Variants in ABR observed in about 807,000 individuals in gnomAD.
ABR encodes active breakpoint cluster region-related protein.
In ABR, 35 loss-of-function variants were observed where a neutral mutation model predicts 107.2. That is an observed-to-expected ratio of 0.33 (90% CI 0.25 to 0.43). The LOEUF is 0.43. Among genes scored for constraint, ABR ranks in the 20% least tolerant of loss-of-function variants. ABR has a pLI of 1.00. For synonymous variants in ABR, 498 were observed against 462.0 expected (o/e 1.08, Z -1.00); for missense variants, 815 against 1,115.2 (o/e 0.73, Z 3.83).
intron 16 of ABR, chr17:1,031,627 GGCCCCAGAGCCGGGC>G: frequency 8.0e-7 from 1 of 1,244,064 alleles, no homozygotes; most frequent in East Asian, 3.2e-5. Context: ...TTGCGCACGC[GGCCCCAGAGCCGGGC>G]GCCGGTGTTG....
Position 1,179,619 on chromosome 17 carries a change from G to GGGTCCC in ABR, c.61+42_61+47dup, listed in dbSNP as rs1327108455. ...TCCTGGGGTCCCGATCTCCATCCTG[G>GGGTCCC]GGTCCCGATCCCGATCCTGGGGTCC... On this transcript the variant is annotated intron_variant, in intron 1 of 22. Coordinates refer to ENST00000302538, the MANE Select transcript of ABR (RefSeq NM_021962.5). This position sits in a 1 kb window ranked among gnomAD's most constrained non-coding sequence, Gnocchi z 4.9. The GGGTCCC allele has an allele frequency of 4.8e-6, 7 of 1,462,660 alleles. No individual in the cohort carries two copies. The highest frequency in any genetic ancestry group is 6.4e-6 in the Non-Finnish European group (7 of 1,102,290). 90.6% of individuals were successfully genotyped at this position (1,462,660 alleles called of 1,614,324 possible).
At chr17:1,073,554 C>G in intron 7 of ABR, 71 bp downstream of exon 7, 1 of 1,288,492 alleles carries the variant, frequency 7.8e-7, no homozygotes, top group Non-Finnish European at 1.0e-6. Context: ...ACTCCAGCAC[C>G]CTCTCACCCA....
At chr17:1,162,112 A>G (rs1232967762) in intron 1 of ABR, among the ~76,000 whole-genome samples, 1 of 152,214 alleles carries the variant, frequency 6.6e-6, no homozygotes, top group East Asian at 1.9e-4. Flanking sequence ...TCCAGAGGTT[A>G]GAGACTCCCA....
intron 1 of ABR, among the ~76,000 whole-genome samples, chr17:1,204,759 G>C (rs2042754520): frequency 6.6e-6 from 1 of 152,034 alleles, no homozygotes; most frequent in Admixed American, 6.6e-5. Flanking sequence ...TGGGCTGTAT[G>C]TTAGTATTTA....
intron 4 of ABR, among the ~76,000 whole-genome samples, chr17:1,087,524 AGGGCCGGACTTTTAAAAGAGGGCG>A (rs955149779): frequency 2.6e-5 from 3 of 116,724 alleles, no homozygotes; most frequent in Non-Finnish European, 5.3e-5. Flanking sequence ...AAAAGGGGGC[AGGGCCGGACTTTTAAAAGAGGGCG>A]GGGCCTGAGT....
chr17:1,080,944 C>G (rs896598275), intron 5 of ABR, among the ~76,000 whole-genome samples: 1 of 152,128 alleles, frequency 6.6e-6, no homozygotes, highest in African/African-American at 2.4e-5. Flanking sequence ...GAAGCAAGCA[C>G]GTCATCGAGT....
Position 1,005,625 on chromosome 17 carries a change from G to A in ABR, c.*455C>T. The A allele has an allele frequency of 5.0e-6, 1 of 201,774 alleles. No individual in the cohort carries two copies. Among genetic ancestry groups the A allele is most frequent in the Non-Finnish European group, 1.0e-5 (1 of 100,056 alleles). 12.5% of individuals were successfully genotyped at this position (201,774 alleles called of 1,614,324 possible). On this transcript the variant is annotated 3_prime_UTR_variant, in exon 23 of 23. Coordinates refer to ENST00000302538, the MANE Select transcript of ABR (RefSeq NM_021962.5). The stretch of plus-strand genomic sequence containing the variant: ...GGTGGAGGAAGACTGAGGGGAGGCT[G>A]CCAGGAGACCGCCATCTGGGAGCAG...
chr17:1,105,003 CTTTTTTT>C (rs748696872), intron 2 of ABR, among the ~76,000 whole-genome samples: 6 of 125,768 alleles, frequency 4.8e-5, no homozygotes, highest in East Asian at 4.7e-4. Context: ...TTTACAGTAA[CTTTTTTT>C]TTTTTTTTTT....
chr17:1,029,817 T>C (rs796378745), intron 16 of ABR, among the ~76,000 whole-genome samples: 2,499 of 34,972 alleles, frequency 0.071, 97 homozygotes, highest in African/African-American at 0.17. Flanking sequence ...CGCTGACCCG[T>C]GTCCACGACA....
At position 1,195,629 on chromosome 17, in the gene ABR, C is replaced by T. The variant is rs374316501; in HGVS notation, c.838+33164G>A. 1.7e-4 allele frequency among the ~76,000 whole-genome samples: 25 copies of T among 151,362 alleles called. 1 individual carries two copies. In the East Asian group the frequency reaches 3.0e-3, roughly 18 times the overall value. ...ACCATCCTGGCTAACACGGTGAAAC[C>T]CCGTCTCTACTAAAAATACAACAAA... On this transcript the variant is annotated intron_variant, in intron 1 of 22. Coordinates refer to the ABR transcript ENST00000574139.
chr17:1,211,148 A>G (rs185161260), intron 1 of ABR, among the ~76,000 whole-genome samples: 2 of 152,268 alleles, frequency 1.3e-5, no homozygotes, highest in East Asian at 3.9e-4. Context: ...GCGTGGTGGC[A>G]GACGCCCATA....
intron 1 of ABR, among the ~76,000 whole-genome samples, chr17:1,193,312 C>T (rs1416446289): frequency 6.6e-6 from 1 of 151,602 alleles, no homozygotes; most frequent in Non-Finnish European, 1.5e-5. Context: ...CTCCCCCGCT[C>T]TCCCGGCGAG....
At chr17:1,082,593 A>G (rs899413173) in intron 5 of ABR, among the ~76,000 whole-genome samples, 1 of 152,210 alleles carries the variant, frequency 6.6e-6, no homozygotes, top group Non-Finnish European at 1.5e-5. Flanking sequence ...CCTTCTCCAC[A>G]TAAGTGGCTC....
At chr17:1,057,308 T>TTGTGTGTG (rs750525310) in intron 12 of ABR, among the ~76,000 whole-genome samples, 17 of 68,022 alleles carry the variant, frequency 2.5e-4, no homozygotes, top group African/African-American at 3.4e-4. Context: ...CTGAAGAGGT[T>TTGTGTGTG]TGTGTGTGTG....
chr17:1,227,537 C>T (rs181049665), intron 1 of ABR, among the ~76,000 whole-genome samples: 42 of 152,344 alleles, frequency 2.8e-4, no homozygotes, highest in Non-Finnish European at 5.1e-4. Flanking sequence ...ACTTGATGGA[C>T]CTTCCAACTG....
chr17:1,153,488 A>AGGGCTGGGGACCCAGGCACACCTG (rs2040895024), intron 1 of ABR, among the ~76,000 whole-genome samples: 7 of 35,014 alleles, frequency 2.0e-4, no homozygotes, highest in East Asian at 9.2e-4. Flanking sequence ...AGGCACACCT[A>AGGGCTGGGGACCCAGGCACACCTG]CGGGAGGGCT....
intron 1 of ABR, among the ~76,000 whole-genome samples, chr17:1,223,304 A>AACACACACACACACACACACAC (rs56226163): frequency 1.3e-3 from 187 of 149,242 alleles, no homozygotes; most frequent in African/African-American, 4.3e-3. Context: ...AATCAGTAAC[A>AACACACACACACACACACACAC]ACACACACAC....
At chr17:1,185,513 C>T (rs1030058738) in intron 1 of ABR, among the ~76,000 whole-genome samples, 4 of 151,694 alleles carry the variant, frequency 2.6e-5, no homozygotes, top group East Asian at 1.9e-4. Context: ...GGCGTGGTGG[C>T]GGGCACCTGT....
At position 1,226,927 on chromosome 17, in the gene ABR, A is replaced by C. The variant is rs76930435; in HGVS notation, c.838+1866T>G. On this transcript the variant is annotated intron_variant, in intron 1 of 22. Transcript: ENST00000574139. Reference sequence around the variant, plus strand: ...AAGTCCACCCCCCACTCACTTCCTCACGAGGAGGCTTTGGAGACAGAGGCA... The same window carrying C: ...AAGTCCACCCCCCACTCACTTCCTCCCGAGGAGGCTTTGGAGACAGAGGCA... 7.9e-5 allele frequency among the ~76,000 whole-genome samples: 12 copies of C among 152,184 alleles called. 1 individual carries two copies. Among genetic ancestry groups the C allele is most frequent in the African/African-American group, 2.9e-4 (12 of 41,428 alleles).
Sources: gnomAD v4.1 joint callset for allele counts (sites outside exome capture counted in the v4.1 genomes callset) on GRCh38, gnomAD v4.1.1 for gene constraint, Gnocchi (gnomAD v3.1) non-coding constraint, MANE v1.5 for transcripts, NCBI Gene and HGNC (gene_info 2026-07-23, HGNC 2026-07-21) for gene names.